ARHGAP12: variants seen among roughly 807,000 people sequenced by gnomAD.
The protein encoded by ARHGAP12 is rho GTPase-activating protein 12.
In ARHGAP12, 64 loss-of-function variants were observed where a neutral mutation model predicts 108.6. The observed-to-expected ratio is 0.59, with a 90% CI of 0.48 to 0.73. The LOEUF (loss-of-function observed/expected upper bound fraction) is 0.73. Ranked by LOEUF, ARHGAP12 falls within the 30% of genes least tolerant of loss-of-function variation. The probability of loss-of-function intolerance (pLI) is 0.00; values close to 1 mark genes in which losing one functional copy is unlikely to be tolerated. For missense variants in ARHGAP12, 940 were observed against 1,005.9 expected, an observed-to-expected ratio of 0.93 and a Z score of 0.89; for synonymous variants, 312 against 337.2, an observed-to-expected ratio of 0.93 and a Z score of 0.82.
chr10:31,872,833 CTATAT>C (rs1837591828), intron 3 of ARHGAP12, among the ~76,000 whole-genome samples: 1 of 152,276 alleles, frequency 6.6e-6, no homozygotes, highest in African/African-American at 2.4e-5. Flanking sequence ...ACCATTCTCC[CTATAT>C]TATTTGTTCC....
chr10:31,825,032 T>C (rs756861723), intron 11 of ARHGAP12, among the ~76,000 whole-genome samples: 4 of 152,172 alleles, frequency 2.6e-5, no homozygotes, highest in Non-Finnish European at 4.4e-5. Context: ...CTTTAAGATA[T>C]ATCAAACCAA....
At chr10:31,814,142 C>G (rs757916787) in intron 14 of ARHGAP12, 117 bp downstream of exon 14, 217 of 798,994 alleles carry the variant, frequency 2.7e-4, no homozygotes, top group Middle Eastern at 6.3e-4. Context: ...TGGTTAACTG[C>G]ACAGCCCTTT....
At chr10:31,858,732 A>G (rs1168737981) in intron 4 of ARHGAP12, among the ~76,000 whole-genome samples, 1 of 152,208 alleles carries the variant, frequency 6.6e-6, no homozygotes, top group African/African-American at 2.4e-5. Context: ...AAGACAGAAG[A>G]GCCAACAGTT....
chr10:31,833,528 A>G (rs1352290008), intron 9 of ARHGAP12, among the ~76,000 whole-genome samples: 1 of 152,210 alleles, frequency 6.6e-6, no homozygotes, highest in Non-Finnish European at 1.5e-5. Context: ...CATCACTCAA[A>G]GAAAAGGTCC....
intron 3 of ARHGAP12, among the ~76,000 whole-genome samples, chr10:31,900,102 A>G (rs531912001): frequency 3.3e-5 from 5 of 152,350 alleles, no homozygotes; most frequent in African/African-American, 9.6e-5. Context: ...ATGGCAAATA[A>G]TAAGCATATG....
chr10:31,812,254 A>C (rs763922138), intron 15 of ARHGAP12, among the ~76,000 whole-genome samples: 2 of 152,190 alleles, frequency 1.3e-5, no homozygotes, highest in Non-Finnish European at 2.9e-5. Context: ...TTATAAATGA[A>C]ATAACAGGCA....
intron 4 of ARHGAP12, among the ~76,000 whole-genome samples, chr10:31,861,184 G>A (rs1012806200): frequency 6.6e-6 from 1 of 152,212 alleles, no homozygotes; most frequent in African/African-American, 2.4e-5. Flanking sequence ...GAACTAGTAC[G>A]CACACAGGTT....
chr10:31,910,265 A>G (rs1839290097), intron 2 of ARHGAP12, among the ~76,000 whole-genome samples: 1 of 152,220 alleles, frequency 6.6e-6, no homozygotes, highest in African/African-American at 2.4e-5. Context: ...ATTTACCAAA[A>G]ATGTGCAAAC....
chr10:31,852,075 A>G (rs978248970), intron 6 of ARHGAP12, among the ~76,000 whole-genome samples: 51 of 152,312 alleles, frequency 3.3e-4, no homozygotes, highest in Middle Eastern at 3.4e-3. Flanking sequence ...CATGTTGCCT[A>G]TATCTCAGTC....
At chr10:31,820,518 C>A in intron 11 of ARHGAP12, 30 bp from the exon 12 acceptor site, 1 of 1,418,216 alleles carries the variant, frequency 7.1e-7, no homozygotes, top group Non-Finnish European at 9.7e-7. Flanking sequence ...AAAAAACCTT[C>A]ATGTGATACT....
chr10:31,908,913 T>C lies in ARHGAP12; in HGVS notation c.-58A>G. ...TACCACATTATGGCTTTATGGCTTG[T>C]TGGATGAATATAGCTGTTTTATTTA... On this transcript the variant is annotated 5_prime_UTR_variant, in exon 3 of 20. Transcript: ENST00000344936. 1 of 1,427,940 alleles carries C rather than the reference T, an allele frequency of 7.0e-7. No individual in the cohort carries two copies. The highest frequency in any genetic ancestry group is 9.4e-7 in the Non-Finnish European group (1 of 1,064,026). The allele number at this position is 1,427,940 out of a possible 1,614,324, so 88.5% of individuals were successfully genotyped here.
chr10:31,894,617 G>A (rs1382578711), intron 3 of ARHGAP12, among the ~76,000 whole-genome samples: 1 of 152,124 alleles, frequency 6.6e-6, no homozygotes, highest in African/African-American at 2.4e-5. Context: ...ACAAATGGAA[G>A]AACATTCCAT....
Position 31,892,206 on chromosome 10 carries a change from C to T in ARHGAP12, c.684+15966G>A, listed in dbSNP as rs544005995. On this transcript the variant is annotated intron_variant, in intron 3 of 19. Transcript: ENST00000344936. Reference sequence around the variant, plus strand: ...GCTAGGAAGAAACTGCATCAACTAACGAGCAAAATAACCAGCTAACATCAT... The same window carrying T: ...GCTAGGAAGAAACTGCATCAACTAATGAGCAAAATAACCAGCTAACATCAT... Among the ~76,000 whole-genome samples, 288 of 152,212 alleles carry T rather than the reference C, an allele frequency of 1.9e-3. 3 individuals carry two copies. Among genetic ancestry groups the T allele is most frequent in the African/African-American group, 6.6e-3 (276 of 41,532 alleles).
chr10:31,831,787 T>C lies in ARHGAP12; in HGVS notation c.1400A>G (p.Tyr467Cys). 6.3e-7 allele frequency: 1 copy of C among 1,579,604 alleles called. No individual in the cohort carries two copies. Among genetic ancestry groups the C allele is most frequent in the Non-Finnish European group, 8.7e-7 (1 of 1,151,838 alleles). Residue 467 changes from tyrosine (Y) to cysteine (C), a missense_variant, in exon 10 of 20, where the codon TAT (tyrosine) becomes TGT (cysteine). Transcript: ENST00000344936. ...AATTTTTGTTACATTTAATAATCCA[T>C]ATTTCTCTTGATCCTATGGAACAGA... ...TASSPKDQEK[Y>C]GLLNVTKIAE... is the part of the protein sequence containing the mutation.
At position 31,810,782 on chromosome 10, in the gene ARHGAP12, T is replaced by A. The variant is rs763014217; in HGVS notation, c.1952-35A>T. On this transcript the variant is annotated intron_variant, in intron 15 of 19. Coordinates refer to ENST00000344936, the MANE Select transcript of ARHGAP12 (RefSeq NM_018287.7). ...ATTTATTTTTAAAAAGTCAATCACC[T>A]TGCTGAAATTCAGTTCATGAAATGG... is the stretch of plus-strand genomic sequence containing the variant. The A allele has an allele frequency of 4.6e-6, 7 of 1,507,804 alleles. No individual in the cohort carries two copies. The Admixed American group carries it at 7.1e-5, about 15-fold the overall frequency. 93.4% of individuals were successfully genotyped at this position (1,507,804 alleles called of 1,614,324 possible).
At chr10:31,887,899 C>T (rs374383121) in intron 3 of ARHGAP12, among the ~76,000 whole-genome samples, 73 of 152,100 alleles carry the variant, frequency 4.8e-4, no homozygotes, top group African/African-American at 1.5e-3. Context: ...CCTCATGATC[C>T]GCCCGCCTCA....
intron 7 of ARHGAP12, 109 bp downstream of exon 7, chr10:31,843,352 A>T (rs1279172848): frequency 8.2e-7 from 1 of 1,216,666 alleles, no homozygotes; most frequent in Non-Finnish European, 1.1e-6. Flanking sequence ...AAGAAATCAA[A>T]TGTTTTAGCA....
rs367703589 is a variant in ARHGAP12 at position 31,908,620 on chromosome 10, G to A, written c.236C>T (p.Pro79Leu). ...VKEVTRKALMPPVKQVAGLPN... is the reference protein window; with the variant it reads ...VKEVTRKALMLPVKQVAGLPN... ...CAGACCAGCTACCTGCTTAACAGGTGGCATGAGAGCTTTGCGCGTGACCTC... is the reference window on the plus strand; with the variant it reads ...CAGACCAGCTACCTGCTTAACAGGTAGCATGAGAGCTTTGCGCGTGACCTC... Residue 79 changes from proline to leucine, a missense_variant, in exon 3 of 20, where the codon CCA (proline) becomes CTA (leucine). Physicochemically the swap from Pro to Leu is moderately conservative, Grantham distance 98. Coordinates refer to ENST00000344936, the MANE Select transcript of ARHGAP12 (RefSeq NM_018287.7). The A allele has an allele frequency of 1.1e-5, 18 of 1,614,052 alleles. No individual in the cohort carries two copies. Among genetic ancestry groups the A allele is most frequent in the Non-Finnish European group, 1.4e-5 (17 of 1,180,038 alleles).
rs1298929050 is a variant in ARHGAP12 at position 31,908,432 on chromosome 10, G to C, written c.424C>G (p.Gln142Glu). 1 of 1,614,070 alleles carries C rather than the reference G, an allele frequency of 6.2e-7. No individual in the cohort carries two copies. Among genetic ancestry groups the C allele is most frequent in the Non-Finnish European group, 8.5e-7 (1 of 1,180,030 alleles). ...AGGCTTAGGTTGACAGTCTGACCTT[G>C]ATTATAACTGGGTCCAAAATTCTGA... ...ANQNFGPSYN[Q>E]GQTVNLSLDL... Residue 142 changes from glutamine to glutamate, a missense_variant, in exon 3 of 20, where the codon CAA becomes GAA. Physicochemically the swap from Gln to Glu is conservative, Grantham distance 29. Coordinates refer to ENST00000344936, the MANE Select transcript of ARHGAP12 (RefSeq NM_018287.7).
Sources: gnomAD v4.1 joint callset for allele counts (sites outside exome capture counted in the v4.1 genomes callset) on GRCh38, gnomAD v4.1.1 for gene constraint, MANE v1.5 for transcripts, NCBI Gene and HGNC (gene_info 2026-07-23, HGNC 2026-07-21) for gene names.